DCC: variants seen among roughly 807,000 people sequenced by gnomAD.
DCC encodes the protein DCC netrin 1 receptor.
Under a neutral mutation model 172.5 loss-of-function variants are expected in DCC, and 58 were observed. The observed-to-expected ratio is 0.34, with a 90% CI of 0.27 to 0.42. The LOEUF (loss-of-function observed/expected upper bound fraction) is 0.42. Among genes scored for constraint, DCC ranks in the 10% least tolerant of loss-of-function variants. DCC has a pLI of 1.00. For synonymous variants in DCC, 709 were observed against 644.5 expected, an observed-to-expected ratio of 1.10 and a Z score of -1.52; for missense variants, 1,740 against 1,791.0, an observed-to-expected ratio of 0.97 and a Z score of 0.51.
intron 1 of DCC, among the ~76,000 whole-genome samples, chr18:52,724,939 C>T (rs890056435): frequency 5.9e-5 from 9 of 152,152 alleles, no homozygotes; most frequent in Non-Finnish European, 1.3e-4. Flanking sequence ...GGGATGTTTC[C>T]ATTTGAAACT....
intron 2 of DCC, among the ~76,000 whole-genome samples, chr18:52,768,274 C>T (rs1391339091): frequency 1.3e-5 from 2 of 152,104 alleles, no homozygotes; most frequent in Non-Finnish European, 2.9e-5. Flanking sequence ...TTAAAAATTA[C>T]GAGTTTATCC....
chr18:53,212,982 T>A (rs1383932754), intron 11 of DCC, among the ~76,000 whole-genome samples: 1 of 152,104 alleles, frequency 6.6e-6, no homozygotes, highest in Non-Finnish European at 1.5e-5. Context: ...TGCCTTTCAA[T>A]TCTTAATACA....
chr18:52,554,354 G>A (rs1028356264), intron 1 of DCC, among the ~76,000 whole-genome samples: 1 of 152,114 alleles, frequency 6.6e-6, no homozygotes, highest in Non-Finnish European at 1.5e-5. Context: ...GAAACTCATA[G>A]ATGACATAAA....
At chr18:53,137,165 C>A (rs1281116198) in intron 7 of DCC, among the ~76,000 whole-genome samples, 1 of 152,170 alleles carries the variant, frequency 6.6e-6, no homozygotes, top group Admixed American at 6.5e-5. Flanking sequence ...TTTATTATTT[C>A]AAAATTTCCA....
intron 1 of DCC, among the ~76,000 whole-genome samples, chr18:52,577,754 T>G (rs181194075): frequency 9.7e-4 from 147 of 152,322 alleles, no homozygotes; most frequent in African/African-American, 3.3e-3. Context: ...TCTTCCATTT[T>G]GCATTGGAAA....
chr18:52,840,329 C>T (rs994917709), intron 2 of DCC, among the ~76,000 whole-genome samples: 3 of 152,142 alleles, frequency 2.0e-5, no homozygotes, highest in Non-Finnish European at 4.4e-5. Flanking sequence ...CAATCATAGT[C>T]TCATGGTCTA....
At chr18:53,164,133 A>G (rs1392822901) in intron 8 of DCC, among the ~76,000 whole-genome samples, 1 of 152,220 alleles carries the variant, frequency 6.6e-6, no homozygotes, top group African/African-American at 2.4e-5. Context: ...TATTTATAGA[A>G]TTATGACATG....
chr18:52,495,677 G>T (rs1375761601), intron 1 of DCC, among the ~76,000 whole-genome samples: 4 of 151,966 alleles, frequency 2.6e-5, no homozygotes, highest in Non-Finnish European at 5.9e-5. Context: ...CATCTTAAGG[G>T]TGTTTGTCTT....
At chr18:53,351,782 C>G (rs2057816355) in intron 15 of DCC, among the ~76,000 whole-genome samples, 1 of 151,554 alleles carries the variant, frequency 6.6e-6, no homozygotes, top group African/African-American at 2.4e-5. Flanking sequence ...TTCTTAATTC[C>G]TCACGTCAGT....
intron 9 of DCC, among the ~76,000 whole-genome samples, chr18:53,191,802 A>AT (rs544411219): frequency 3.5e-4 from 52 of 150,524 alleles, no homozygotes; most frequent in African/African-American, 6.8e-4. Flanking sequence ...TGAGTCAGTC[A>AT]TTTTTTTTTT....
intron 25 of DCC, among the ~76,000 whole-genome samples, chr18:53,468,456 C>G (rs112801229): frequency 1.3e-5 from 2 of 151,078 alleles, no homozygotes; most frequent in South Asian, 4.2e-4. Context: ...AATCTTGGCT[C>G]ACTGCAACTT....
At chr18:53,052,116 T>C (rs2042342021) in intron 5 of DCC, among the ~76,000 whole-genome samples, 1 of 152,088 alleles carries the variant, frequency 6.6e-6, no homozygotes, top group African/African-American at 2.4e-5. Context: ...GTGGCATCTA[T>C]TATGAGACTT....
chr18:52,346,639 A>G (rs1003937325), intron 1 of DCC, among the ~76,000 whole-genome samples: 6 of 152,302 alleles, frequency 3.9e-5, no homozygotes, highest in African/African-American at 1.4e-4. Context: ...TGGTAATACC[A>G]GTGCATATTG....
At chr18:52,650,136 G>T (rs1003789897) in intron 1 of DCC, among the ~76,000 whole-genome samples, 2 of 151,838 alleles carry the variant, frequency 1.3e-5, no homozygotes, top group African/African-American at 4.8e-5. Flanking sequence ...GTACCACCAC[G>T]CCTCGCTAAT....
chr18:53,414,121 A>T (rs1910154722), intron 20 of DCC, among the ~76,000 whole-genome samples: 2 of 152,230 alleles, frequency 1.3e-5, no homozygotes, highest in Admixed American at 1.3e-4. Flanking sequence ...ATTAAATTAA[A>T]TGGCTGGTAA....
At chr18:53,022,390 A>T (rs918566506) in intron 5 of DCC, among the ~76,000 whole-genome samples, 1 of 152,044 alleles carries the variant, frequency 6.6e-6, no homozygotes, top group Non-Finnish European at 1.5e-5. Context: ...GGATAATAAT[A>T]CTATCTTATG....
chr18:53,227,175 C>T (rs1350596865), intron 12 of DCC, among the ~76,000 whole-genome samples: 1 of 151,524 alleles, frequency 6.6e-6, no homozygotes, highest in Non-Finnish European at 1.5e-5. Context: ...TCTCAATCTA[C>T]TGACCTCGTG....
At chr18:52,976,997 C>A (rs2041128817) in intron 5 of DCC, among the ~76,000 whole-genome samples, 1 of 152,160 alleles carries the variant, frequency 6.6e-6, no homozygotes. Context: ...TACTCTGTGT[C>A]AATCACTATT....
intron 12 of DCC, among the ~76,000 whole-genome samples, chr18:53,282,867 T>C (rs1232316824): frequency 1.3e-5 from 2 of 152,168 alleles, no homozygotes; most frequent in Non-Finnish European, 2.9e-5. Context: ...TTTAAAGGCC[T>C]GCACTAAATG....
Sources: allele counts gnomAD v4.1 joint callset (sites outside exome capture counted in the v4.1 genomes callset), GRCh38; gene constraint gnomAD v4.1.1; transcripts MANE v1.5; gene names NCBI Gene and HGNC (gene_info 2026-07-23, HGNC 2026-07-21).